Variants in ABHD3 observed in about 807,000 individuals in gnomAD.
ABHD3 encodes phospholipase ABHD3.
A neutral mutation model predicts 48.8 loss-of-function variants in ABHD3; 46 were observed. That is an observed-to-expected ratio of 0.94 (90% confidence interval 0.74 to 1.20). The LOEUF (loss-of-function observed/expected upper bound fraction) is 1.20. ABHD3 is among the 50% of genes most tolerant of loss of function. The probability of loss-of-function intolerance (pLI) is 0.00; values close to 1 mark genes in which losing one functional copy is unlikely to be tolerated. For synonymous variants in ABHD3, 192 were observed against 183.7 expected, an observed-to-expected ratio of 1.04 and a Z score of -0.36; for missense variants, 490 against 497.8, an observed-to-expected ratio of 0.98 and a Z score of 0.15.
chr18:21,653,910 C>T (rs1020356508), intron 8 of ABHD3, among the ~76,000 whole-genome samples: 11 of 147,804 alleles, frequency 7.4e-5, no homozygotes, highest in Admixed American at 2.7e-4. Context: ...GGTGTGATCT[C>T]GGCTGGCTTA....
At chr18:21,692,491 C>T (rs2040274160) in intron 3 of ABHD3, among the ~76,000 whole-genome samples, 1 of 152,008 alleles carries the variant, frequency 6.6e-6, no homozygotes. Context: ...TTATTTCTTG[C>T]TGATCATAAG....
intron 4 of ABHD3, among the ~76,000 whole-genome samples, chr18:21,678,978 T>C (rs1406456087): frequency 6.6e-6 from 1 of 152,220 alleles, no homozygotes; most frequent in Non-Finnish European, 1.5e-5. Context: ...GTAATCTCTA[T>C]AAATTCTAAG....
intron 2 of ABHD3, among the ~76,000 whole-genome samples, chr18:21,702,926 G>A (rs1041304130): frequency 2.0e-5 from 3 of 152,114 alleles, no homozygotes; most frequent in African/African-American, 7.2e-5. Flanking sequence ...TATACTTCAA[G>A]ATTTTCTTCT....
chr18:21,657,618 G>A (rs577287882), intron 6 of ABHD3, among the ~76,000 whole-genome samples: 1 of 152,068 alleles, frequency 6.6e-6, no homozygotes, highest in Non-Finnish European at 1.5e-5. Flanking sequence ...CCAAAGTGCT[G>A]GGATTATAAG....
intron 3 of ABHD3, among the ~76,000 whole-genome samples, chr18:21,693,952 A>G (rs896163573): frequency 1.3e-5 from 2 of 152,064 alleles, no homozygotes; most frequent in Admixed American, 6.6e-5. Context: ...TCCCTCAGGA[A>G]GTCTGTAGCT....
rs541714672 is a variant in ABHD3, at chr18:21,663,563, C to T, written c.668+555G>A. The T allele has an allele frequency of 1.3e-3, 1,377 of 1,034,334 alleles. 10 individuals are homozygous for T. The highest frequency in any genetic ancestry group is 0.012 in the Admixed American group (418 of 36,336). 64.1% of individuals were successfully genotyped at this position (1,034,334 alleles called of 1,614,324 possible). On this transcript the variant is annotated intron_variant, in intron 5 of 8. Transcript: ENST00000289119. ...TGCAAGCAGCACAAATGACAATATC[C>T]GTATGCTTAAAATAACAGCTGGAGT...
At chr18:21,671,158 T>C (rs2039749138) in intron 4 of ABHD3, among the ~76,000 whole-genome samples, 1 of 152,164 alleles carries the variant, frequency 6.6e-6, no homozygotes. Flanking sequence ...TTTTCACCTC[T>C]AGCTTTGTTA....
In ABHD3 at chr18:21,651,561, T is replaced by G. The variant is rs1209793077; in HGVS notation, c.*30A>C. The G allele has an allele frequency of 6.2e-7, 1 of 1,612,380 alleles. No individual in the cohort carries two copies. The highest frequency in any genetic ancestry group is 1.1e-5 in the South Asian group (1 of 90,800). ...GCTGAGCTGCCTTCACAATTGTGGT[T>G]CAGACAAAATGCACCCAAAGAACTA... On this transcript the variant is annotated 3_prime_UTR_variant, in exon 9 of 9. Coordinates refer to ENST00000289119, the MANE Select transcript of ABHD3 (RefSeq NM_138340.5).
At chr18:21,676,668 C>T (rs964319019) in intron 4 of ABHD3, among the ~76,000 whole-genome samples, 4 of 152,164 alleles carry the variant, frequency 2.6e-5, no homozygotes, top group South Asian at 2.1e-4. Context: ...TGGGATTACC[C>T]GCATAAGCCA....
At chr18:21,687,626 T>C (rs1304913981) in intron 3 of ABHD3, among the ~76,000 whole-genome samples, 1 of 152,208 alleles carries the variant, frequency 6.6e-6, no homozygotes, top group African/African-American at 2.4e-5. Flanking sequence ...TTTTCCTACA[T>C]ATTTGAACTA....
chr18:21,703,542 C>G (rs371534611), intron 2 of ABHD3, 42 bp downstream of exon 2: 12 of 1,585,556 alleles, frequency 7.6e-6, no homozygotes, highest in Non-Finnish European at 1.0e-5. Context: ...AACAAACAAC[C>G]TGTGATTTTG....
intron 4 of ABHD3, among the ~76,000 whole-genome samples, chr18:21,672,192 T>G (rs1225217021): frequency 1.3e-5 from 2 of 152,196 alleles, no homozygotes; most frequent in Non-Finnish European, 2.9e-5. Context: ...ATTCTTTTCA[T>G]TAAAAAAACA....
intron 8 of ABHD3, among the ~76,000 whole-genome samples, chr18:21,651,981 G>A (rs1369338454): frequency 1.1e-4 from 16 of 152,126 alleles, no homozygotes; most frequent in African/African-American, 3.4e-4. Context: ...GGTCATGTCT[G>A]CACAATCATT....
At chr18:21,659,490 A>G in intron 5 of ABHD3, 147 bp from the exon 6 acceptor site, 2 of 719,002 alleles carry the variant, frequency 2.8e-6, no homozygotes, top group Non-Finnish European at 4.4e-6. Context: ...GCATGCAAGC[A>G]TCTTCATTCT....
intron 3 of ABHD3, among the ~76,000 whole-genome samples, chr18:21,690,432 T>G (rs944586979): frequency 2.0e-5 from 3 of 151,418 alleles, no homozygotes; most frequent in Non-Finnish European, 4.4e-5. Context: ...TGAAACCCCA[T>G]CTCTACTAAA....
rs2039221105 is a variant in ABHD3, at chr18:21,651,539, G to A, written c.*52C>T. 1.9e-6 allele frequency: 3 copies of A among 1,605,788 alleles called. No homozygotes were observed. The highest frequency in any genetic ancestry group is 2.6e-6 in the Non-Finnish European group (3 of 1,174,678). ...ACAGTTAAAATTTGTGCACTAAGCT[G>A]AGCTGCCTTCACAATTGTGGTTCAG... On this transcript the variant is annotated 3_prime_UTR_variant, in exon 9 of 9. Coordinates refer to ENST00000289119, the MANE Select transcript of ABHD3 (RefSeq NM_138340.5).
chr18:21,704,389 G>C (rs1425489551), intron 1 of ABHD3, 115 bp downstream of exon 1: 2 of 1,116,734 alleles, frequency 1.8e-6, no homozygotes, highest in Non-Finnish European at 2.3e-6. Context: ...CTCGGGAGCA[G>C]CTCGCCGCCT....
chr18:21,702,809 G>C (rs776490803), intron 2 of ABHD3, among the ~76,000 whole-genome samples: 1 of 152,152 alleles, frequency 6.6e-6, no homozygotes, highest in Non-Finnish European at 1.5e-5. Context: ...GTTTGATTGA[G>C]GTCACTCAAC....
chr18:21,685,214 G>T (rs2040104505), intron 3 of ABHD3, among the ~76,000 whole-genome samples: 1 of 152,100 alleles, frequency 6.6e-6, no homozygotes, highest in African/African-American at 2.4e-5. Context: ...ACCAACCAAG[G>T]CCATTTAAGA....
Sources: allele counts gnomAD v4.1 joint callset (sites outside exome capture counted in the v4.1 genomes callset), GRCh38; gene constraint gnomAD v4.1.1; transcripts MANE v1.5; gene names NCBI Gene and HGNC (gene_info 2026-07-23, HGNC 2026-07-21).